The following CENPC variants were observed in gnomAD, a reference collection of about 807,000 sequenced individuals.
CENPC encodes centromere protein C, also known as CENP-C 1.
Under a neutral mutation model 112.1 loss-of-function variants are expected in CENPC, and 63 were observed. That is an observed-to-expected ratio of 0.56 (90% CI 0.46 to 0.69). The LOEUF (loss-of-function observed/expected upper bound fraction) is 0.69. CENPC is among the 30% of genes least tolerant of loss of function. CENPC has a pLI of 0.00. For missense variants in CENPC, 1,000 were observed against 1,103.8 expected, an observed-to-expected ratio of 0.91 and a Z score of 1.33; for synonymous variants, 333 against 367.6, an observed-to-expected ratio of 0.91 and a Z score of 1.08.
At chr4:67,525,402 T>C (rs896930863) in intron 5 of CENPC, among the ~76,000 whole-genome samples, 2 of 152,164 alleles carry the variant, frequency 1.3e-5, no homozygotes, top group African/African-American at 2.4e-5. Context: ...AGAATATTTT[T>C]ACAACCTCTC....
intron 5 of CENPC, among the ~76,000 whole-genome samples, chr4:67,523,130 G>A (rs1360345411): frequency 6.6e-6 from 1 of 152,138 alleles, no homozygotes; most frequent in East Asian, 1.9e-4. Flanking sequence ...TGGCTAACAT[G>A]ATGAAGCCCC....
At position 67,507,051 on chromosome 4, in the gene CENPC, T is replaced by C. The variant is rs1725756894; in HGVS notation, c.1905-117A>G. The C allele has an allele frequency of 4.6e-6, 3 of 656,990 alleles. No individual in the cohort carries two copies. The Admixed American group carries it at 1.0e-4, about 23-fold the overall frequency. 40.7% of individuals were successfully genotyped at this position (656,990 alleles called of 1,614,324 possible). A position where few individuals can be genotyped will look rare whatever the true frequency, so the allele number is the denominator to read the frequency against. ...AATATTGGCTATAACGAATATCAGA[T>C]CACCCTGTTCAGGTTCTGAGACTTG... On this transcript the variant is annotated intron_variant, in intron 10 of 18. Transcript: ENST00000273853.
chr4:67,493,389 G>C (rs1437276035), intron 14 of CENPC: 3 of 168,312 alleles, frequency 1.8e-5, no homozygotes, highest in Non-Finnish European at 3.8e-5. Flanking sequence ...GCTCACACCT[G>C]TAATCTCAGC....
At chr4:67,512,207 T>C in intron 9 of CENPC, 195 bp downstream of exon 9, 1 of 440,876 alleles carries the variant, frequency 2.3e-6, no homozygotes, top group Non-Finnish European at 3.9e-6. Flanking sequence ...CCACAGCTAT[T>C]ATCCCTATTC....
chr4:67,477,441 C>T (rs1724835859), intron 17 of CENPC, among the ~76,000 whole-genome samples: 1 of 152,164 alleles, frequency 6.6e-6, no homozygotes, highest in South Asian at 2.1e-4. Context: ...TAGCTAGACA[C>T]AGAAGAGCAA....
At position 67,494,022 on chromosome 4, in the gene CENPC, A is replaced by G. The variant is rs1278410043; in HGVS notation, c.2186-34T>C. The G allele has an allele frequency of 4.3e-6, 6 of 1,393,740 alleles. No homozygotes were observed. The South Asian group carries it at 7.5e-5, about 18-fold the overall frequency. 86.3% of individuals were successfully genotyped at this position (1,393,740 alleles called of 1,614,324 possible). A position where few individuals can be genotyped will look rare whatever the true frequency, so the allele number is the denominator to read the frequency against. On this transcript the variant is annotated intron_variant, in intron 13 of 18. Coordinates refer to ENST00000273853, the MANE Select transcript of CENPC (RefSeq NM_001812.4). Reference sequence around the variant, plus strand: ...AGATGTCAGACAAAAGTGTATACATAGTTTTTAGTTGATGGTACTTAGCAG... The same window carrying G: ...AGATGTCAGACAAAAGTGTATACATGGTTTTTAGTTGATGGTACTTAGCAG...
intron 5 of CENPC, among the ~76,000 whole-genome samples, chr4:67,521,237 T>C (rs1444564680): frequency 1.4e-5 from 2 of 139,044 alleles, no homozygotes; most frequent in South Asian, 2.2e-4. Flanking sequence ...TAATGATCAA[T>C]AGACATAAAT....
At chr4:67,535,494 T>G (rs1289531024) in intron 4 of CENPC, among the ~76,000 whole-genome samples, 2 of 151,770 alleles carry the variant, frequency 1.3e-5, no homozygotes, top group African/African-American at 4.8e-5. Context: ...AATGTGTCTA[T>G]GCATACTAAG....
intron 5 of CENPC, among the ~76,000 whole-genome samples, chr4:67,530,340 T>C (rs1726509247): frequency 6.6e-6 from 1 of 152,006 alleles, no homozygotes; most frequent in South Asian, 2.1e-4. Context: ...AGGTAAAAGG[T>C]ACTCTTACAC....
chr4:67,544,958 A>T (rs1726986731), intron 1 of CENPC, among the ~76,000 whole-genome samples: 1 of 152,066 alleles, frequency 6.6e-6, no homozygotes, highest in Non-Finnish European at 1.5e-5. Context: ...AGTTATTTGG[A>T]GGCCTAGGAA....
In CENPC at chr4:67,507,701, G is replaced by A. The variant is rs377345029; in HGVS notation, c.1905-767C>T. ...AATTACGACAAATTATTCACAAACC[G>A]TTTCAAAAAATAGAGAGATAATACT... On this transcript the variant is annotated intron_variant, in intron 10 of 18. Coordinates refer to ENST00000273853, the MANE Select transcript of CENPC (RefSeq NM_001812.4). 5.1e-4 allele frequency among the ~76,000 whole-genome samples: 78 copies of A among 152,078 alleles called. 6 individuals are homozygous for A. The highest frequency in any genetic ancestry group is 2.7e-3 in the East Asian group (14 of 5,180).
intron 4 of CENPC, among the ~76,000 whole-genome samples, chr4:67,537,725 A>C (rs976455483): frequency 4.6e-5 from 7 of 152,172 alleles, no homozygotes; most frequent in African/African-American, 1.7e-4. Context: ...CCCCGGAGGC[A>C]GAGGTTGCAG....
intron 16 of CENPC, among the ~76,000 whole-genome samples, 178 bp downstream of exon 16, chr4:67,492,002 T>A (rs1725296322): frequency 6.6e-6 from 1 of 152,116 alleles, no homozygotes; most frequent in East Asian, 1.9e-4. Flanking sequence ...CTGTCTGATA[T>A]CAATATTCCC....
intron 5 of CENPC, among the ~76,000 whole-genome samples, chr4:67,521,696 A>G (rs560766532): frequency 3.9e-5 from 6 of 152,316 alleles, no homozygotes; most frequent in Admixed American, 3.3e-4. Flanking sequence ...TAGCAGCATT[A>G]CTCACAATAG....
At chr4:67,514,734 A>C in intron 7 of CENPC, 47 bp from the exon 8 acceptor site, 2 of 1,486,946 alleles carry the variant, frequency 1.3e-6, no homozygotes, top group Non-Finnish European at 1.8e-6. Context: ...TAAAGCTTTT[A>C]TATTTGTTTA....
At chr4:67,513,305 G>A (rs897944867) in intron 8 of CENPC, among the ~76,000 whole-genome samples, 1 of 152,130 alleles carries the variant, frequency 6.6e-6, no homozygotes, top group East Asian at 1.9e-4. Flanking sequence ...AAGCCAATAA[G>A]TGTGTAGTAA....
chr4:67,527,115 G>C (rs1370289286), intron 5 of CENPC, among the ~76,000 whole-genome samples: 1 of 152,076 alleles, frequency 6.6e-6, no homozygotes, highest in Non-Finnish European at 1.5e-5. Context: ...CAAAACCTGT[G>C]GAATACAGCT....
Position 67,493,899 on chromosome 4 carries a change from G to C in CENPC, c.2275C>G (p.Gln759Glu), listed in dbSNP as rs140146155. The change falls in exon 14 of 19, where the codon CAA (glutamine) becomes GAA (glutamate). Residue 759 changes from glutamine (Q) to glutamate (E), a missense_variant. Coordinates refer to ENST00000273853, the MANE Select transcript of CENPC (RefSeq NM_001812.4). ...TAAGTTTTACCTGATGGCCTTCCTT[G>C]ATAATCTATTCGCTCTCCTCGCCAG... ...EYWRGERIDY[Q>E]GRPSGGFVIS... 571 of 1,611,002 alleles carry C rather than the reference G, an allele frequency of 3.5e-4. 4 individuals are homozygous for C. In the African/African-American group the frequency reaches 6.8e-3, roughly 19 times the overall value.
intron 18 of CENPC, among the ~76,000 whole-genome samples, chr4:67,474,089 G>A (rs78866972): frequency 2.7e-5 from 4 of 150,072 alleles, no homozygotes; most frequent in East Asian, 2.0e-4. Flanking sequence ...TTTTGAGACC[G>A]AGTCTCACTC....
Sources: allele counts gnomAD v4.1 joint callset (sites outside exome capture counted in the v4.1 genomes callset), GRCh38; gene constraint gnomAD v4.1.1; transcripts MANE v1.5; gene names NCBI Gene and HGNC (gene_info 2026-07-23, HGNC 2026-07-21).